Variants in FHIT observed in about 807,000 individuals in gnomAD.
FHIT encodes bis(5'-adenosyl)-triphosphatase.
In FHIT, 19 loss-of-function variants were observed where a neutral mutation model predicts 17.9. That is an observed-to-expected ratio of 1.06 (90% CI 0.74 to 1.56). FHIT has a LOEUF of 1.56. Ranked by LOEUF, FHIT falls within the 40% of genes most tolerant of loss-of-function variation. The pLI, the probability that FHIT is intolerant of heterozygous loss-of-function variation, is 0.00. For missense variants in FHIT, 248 were observed against 189.2 expected, an observed-to-expected ratio of 1.31 and a Z score of -1.82; for synonymous variants, 81 against 69.7, an observed-to-expected ratio of 1.16 and a Z score of -0.81.
intron 5 of FHIT, among the ~76,000 whole-genome samples, chr3:60,087,345 T>C (rs772706043): frequency 6.6e-6 from 1 of 152,232 alleles, no homozygotes; most frequent in Non-Finnish European, 1.5e-5. Context: ...TACTAGCACC[T>C]GGCTCCATTT....
intron 5 of FHIT, among the ~76,000 whole-genome samples, chr3:60,297,143 T>A: frequency 6.6e-6 from 1 of 152,112 alleles, no homozygotes; most frequent in East Asian, 1.9e-4. Context: ...CCTTTACATA[T>A]GAATTTCAGG....
chr3:60,318,783 T>C (rs1709284007), intron 5 of FHIT, among the ~76,000 whole-genome samples: 2 of 152,204 alleles, frequency 1.3e-5, no homozygotes, highest in South Asian at 4.1e-4. Flanking sequence ...AATACAAATA[T>C]ATTATCTTAC....
At chr3:60,217,372 C>T (rs930042922) in intron 5 of FHIT, among the ~76,000 whole-genome samples, 1 of 152,192 alleles carries the variant, frequency 6.6e-6, no homozygotes, top group Non-Finnish European at 1.5e-5. Flanking sequence ...CATATCCCAT[C>T]AATCACCAGT....
intron 2 of FHIT, among the ~76,000 whole-genome samples, chr3:61,045,913 C>T (rs567885273): frequency 6.2e-4 from 95 of 152,164 alleles, no homozygotes; most frequent in African/African-American, 2.1e-3. Context: ...GAAATGAAGG[C>T]AGAAATAAAG....
Position 60,832,932 on chromosome 3 carries a change from T to C in FHIT, c.-110-10921A>G, listed in dbSNP as rs149817782. Reference sequence around the variant, plus strand: ...TCAAATCAGACTAACCTGATTAGTCTGAATGCTCAGTAGCCATATATGTTG... The same window carrying C: ...TCAAATCAGACTAACCTGATTAGTCCGAATGCTCAGTAGCCATATATGTTG... On this transcript the variant is annotated intron_variant, in intron 3 of 9. Transcript: ENST00000492590. Among the ~76,000 whole-genome samples, 30 of 152,366 alleles carry C rather than the reference T, an allele frequency of 2.0e-4. No homozygotes were observed. The East Asian group carries it at 5.8e-3, about 29-fold the overall frequency.
At chr3:61,206,946 GCT>G (rs1409687414) in intron 1 of FHIT, among the ~76,000 whole-genome samples, 11 of 152,236 alleles carry the variant, frequency 7.2e-5, no homozygotes, top group African/African-American at 2.4e-4. Flanking sequence ...TATGATATTG[GCT>G]GTGGGTTTGT....
At chr3:61,019,944 C>T (rs768565738) in intron 3 of FHIT, among the ~76,000 whole-genome samples, 5 of 152,112 alleles carry the variant, frequency 3.3e-5, no homozygotes, top group Middle Eastern at 3.4e-3. Context: ...TATACACATG[C>T]CATAGTGGTT....
intron 7 of FHIT, among the ~76,000 whole-genome samples, chr3:60,000,926 A>G (rs1394882390): frequency 6.6e-6 from 1 of 152,126 alleles, no homozygotes; most frequent in Non-Finnish European, 1.5e-5. Context: ...AGAATGTGCC[A>G]AGCTCATTCC....
At chr3:60,853,184 C>T (rs1263258471) in intron 3 of FHIT, among the ~76,000 whole-genome samples, 1 of 152,090 alleles carries the variant, frequency 6.6e-6, no homozygotes, top group Non-Finnish European at 1.5e-5. Context: ...CAAAACAGGA[C>T]ACTCCTTGAA....
At chr3:59,913,196 T>C (rs1367526668) in intron 8 of FHIT, among the ~76,000 whole-genome samples, 6 of 151,992 alleles carry the variant, frequency 3.9e-5, no homozygotes, top group Non-Finnish European at 5.9e-5. Context: ...AGTGTGTGTG[T>C]TGTGTGTCGT....
chr3:60,524,938 T>C (rs2035516552), intron 5 of FHIT, among the ~76,000 whole-genome samples: 2 of 152,208 alleles, frequency 1.3e-5, no homozygotes, highest in East Asian at 1.9e-4. Context: ...GACATCTCTT[T>C]TGAGGGATCC....
chr3:61,193,815 A>G (rs1022565414), intron 2 of FHIT, among the ~76,000 whole-genome samples: 2 of 152,182 alleles, frequency 1.3e-5, no homozygotes, highest in Admixed American at 1.3e-4. Flanking sequence ...CTCACCTCTC[A>G]CAAGAGTCAC....
chr3:61,033,434 C>A (rs553567390), intron 3 of FHIT, among the ~76,000 whole-genome samples: 7 of 152,096 alleles, frequency 4.6e-5, no homozygotes, highest in Non-Finnish European at 8.8e-5. Flanking sequence ...CTGTAAAATA[C>A]CTCATCAATA....
intron 7 of FHIT, among the ~76,000 whole-genome samples, chr3:59,998,438 C>G (rs1405816039): frequency 6.6e-6 from 1 of 152,058 alleles, no homozygotes; most frequent in Non-Finnish European, 1.5e-5. Context: ...CTAGAAAAGG[C>G]AGAGACACTA....
At chr3:60,126,414 A>G (rs575004152) in intron 5 of FHIT, among the ~76,000 whole-genome samples, 1 of 152,276 alleles carries the variant, frequency 6.6e-6, no homozygotes, top group Non-Finnish European at 1.5e-5. Flanking sequence ...AATGTGTTTG[A>G]AGTTAGGGAA....
chr3:60,916,947 A>G lies in FHIT; in HGVS notation c.-110-94936T>C, dbSNP rs553649409. On this transcript the variant is annotated intron_variant, in intron 3 of 9. Coordinates refer to ENST00000492590, the MANE Select transcript of FHIT (RefSeq NM_002012.4). ...CAAATAGTCATTTGGGGAAATGACA[A>G]CATTTTTGAAACAGTGTTCAAGAAT... Among the ~76,000 whole-genome samples, 6 of 152,354 alleles carry G rather than the reference A, an allele frequency of 3.9e-5. No homozygotes were observed. The South Asian group carries it at 6.2e-4, about 16-fold the overall frequency.
At chr3:60,984,591 C>G (rs1011377102) in intron 3 of FHIT, among the ~76,000 whole-genome samples, 2 of 152,140 alleles carry the variant, frequency 1.3e-5, no homozygotes, top group Admixed American at 6.5e-5. Context: ...GTGCTAAGAA[C>G]TGATAGATGC....
chr3:61,153,784 T>C (rs565723036), intron 2 of FHIT, among the ~76,000 whole-genome samples: 3 of 152,336 alleles, frequency 2.0e-5, no homozygotes, highest in Admixed American at 6.5e-5. Context: ...TGGTGATTTA[T>C]AGCCAATGTC....
At chr3:59,888,905 A>G (rs1029761628) in intron 8 of FHIT, among the ~76,000 whole-genome samples, 6 of 152,200 alleles carry the variant, frequency 3.9e-5, no homozygotes, top group African/African-American at 1.4e-4. Flanking sequence ...CCTTCTTGCT[A>G]TGTCATAACA....
Sources: allele counts gnomAD v4.1 joint callset (sites outside exome capture counted in the v4.1 genomes callset), GRCh38; gene constraint gnomAD v4.1.1; transcripts MANE v1.5; gene names NCBI Gene and HGNC (gene_info 2026-07-23, HGNC 2026-07-21).